The following PLCB4 variants were observed in gnomAD, a reference collection of about 807,000 sequenced individuals.
PLCB4 encodes 1-phosphatidylinositol 4,5-bisphosphate phosphodiesterase beta-4.
Under a neutral mutation model 178.8 loss-of-function variants are expected in PLCB4, and 77 were observed. The ratio of observed to expected loss-of-function variants is 0.43; its 90% CI spans 0.36 to 0.52. PLCB4 has a LOEUF of 0.52. PLCB4 is among the 20% of genes least tolerant of loss of function. The probability of loss-of-function intolerance (pLI) is 0.00; values close to 1 mark genes in which losing one functional copy is unlikely to be tolerated. For synonymous variants in PLCB4, 496 were observed against 490.8 expected, an observed-to-expected ratio of 1.01 and a Z score of -0.14; for missense variants, 1,024 against 1,453.4, an observed-to-expected ratio of 0.70 and a Z score of 4.80.
At chr20:9,170,531 G>GA (rs552779067) in intron 2 of PLCB4, among the ~76,000 whole-genome samples, 4 of 151,950 alleles carry the variant, frequency 2.6e-5, no homozygotes, top group Admixed American at 6.6e-5. Context: ...TGGATATAAA[G>GA]AAAAAAAACT....
intron 28 of PLCB4, among the ~76,000 whole-genome samples, chr20:9,425,714 C>G (rs952333536): frequency 1.8e-4 from 27 of 152,112 alleles, no homozygotes; most frequent in African/African-American, 5.8e-4. Context: ...TTTCTATGTA[C>G]CATTGATGAG....
Position 9,280,786 on chromosome 20 carries a change from A to G in PLCB4, c.-15-27014A>G, listed in dbSNP as rs192598083. 1.5e-4 allele frequency among the ~76,000 whole-genome samples: 23 copies of G among 152,016 alleles called. No homozygotes were observed. In the East Asian group the frequency reaches 4.5e-3, roughly 30 times the overall value. ...ATGCTGAAGTAAATCCAGCTATTAA[A>G]TCCAGCATAAATCCCAGCAGAAAGT... On this transcript the variant is annotated intron_variant, in intron 3 of 39. Coordinates refer to ENST00000378473, the MANE Select transcript of PLCB4 (RefSeq NM_001377142.1).
At chr20:9,409,206 C>A (rs2039680755) in intron 24 of PLCB4, 25 bp downstream of exon 24, 1 of 1,565,914 alleles carries the variant, frequency 6.4e-7, no homozygotes, top group African/African-American at 1.4e-5. Flanking sequence ...CCAGTGACCC[C>A]AAATTCCATG....
At chr20:9,214,820 A>G (rs2093711695) in intron 2 of PLCB4, among the ~76,000 whole-genome samples, 1 of 152,220 alleles carries the variant, frequency 6.6e-6, no homozygotes, top group Non-Finnish European at 1.5e-5. Flanking sequence ...ACTTCTTTGT[A>G]GTTAAGTATT....
chr20:9,402,626 G>T (rs2039115145), intron 20 of PLCB4, among the ~76,000 whole-genome samples: 1 of 152,216 alleles, frequency 6.6e-6, no homozygotes, highest in Non-Finnish European at 1.5e-5. Flanking sequence ...AGGACAGGCT[G>T]CTGCTCTAGG....
At chr20:9,079,705 C>G (rs1391760166) in intron 1 of PLCB4, among the ~76,000 whole-genome samples, 1 of 151,916 alleles carries the variant, frequency 6.6e-6, no homozygotes, top group Non-Finnish European at 1.5e-5. Flanking sequence ...GTTTTGTGGA[C>G]AAAGAAAATA....
At position 9,233,230 on chromosome 20, in the gene PLCB4, T is replaced by A. The variant is rs2093953172; in HGVS notation, c.-16+15778T>A. 3.3e-5 allele frequency among the ~76,000 whole-genome samples: 5 copies of A among 152,250 alleles called. 1 individual carries two copies. The highest frequency in any genetic ancestry group is 2.4e-5 in the African/African-American group (1 of 41,566). On this transcript the variant is annotated intron_variant, in intron 3 of 39. Transcript: ENST00000378473. ...TGATAATGATAATGACCTAAAAAAA[T>A]TTTATGTTTCCGTCCTCATTAGTGT...
chr20:9,194,885 C>T (rs535434113), intron 2 of PLCB4, among the ~76,000 whole-genome samples: 1 of 152,172 alleles, frequency 6.6e-6, no homozygotes, highest in South Asian at 2.1e-4. Context: ...TTACTTCATG[C>T]ATTGTCCTAA....
At chr20:9,470,183 T>C (rs1004254894) in intron 36 of PLCB4, among the ~76,000 whole-genome samples, 1 of 151,888 alleles carries the variant, frequency 6.6e-6, no homozygotes, top group Admixed American at 6.6e-5. Flanking sequence ...ACAAAAAAAT[T>C]AGCTGGGTGT....
At chr20:9,176,196 A>G (rs2093151712) in intron 2 of PLCB4, among the ~76,000 whole-genome samples, 2 of 152,062 alleles carry the variant, frequency 1.3e-5, no homozygotes, top group Non-Finnish European at 2.9e-5. Context: ...TAGCTTTTTT[A>G]CATTGCTGAG....
intron 7 of PLCB4, among the ~76,000 whole-genome samples, chr20:9,361,033 C>T (rs2035280276): frequency 6.6e-6 from 1 of 152,122 alleles, no homozygotes; most frequent in African/African-American, 2.4e-5. Context: ...GAACCCTGAG[C>T]AAAAGGGTTC....
chr20:9,374,013 C>G (rs1170029042), intron 12 of PLCB4, among the ~76,000 whole-genome samples: 2 of 151,914 alleles, frequency 1.3e-5, no homozygotes, highest in Non-Finnish European at 2.9e-5. Flanking sequence ...AGAGAAAATG[C>G]AAGAAAAGAT....
chr20:9,225,372 T>C (rs1242814646), intron 3 of PLCB4, among the ~76,000 whole-genome samples: 1 of 152,156 alleles, frequency 6.6e-6, no homozygotes, highest in Non-Finnish European at 1.5e-5. Context: ...TCAGGTGAAC[T>C]TTTTAAAAGG....
At chr20:9,466,481 T>A (rs2043793300) in intron 35 of PLCB4, among the ~76,000 whole-genome samples, 1 of 152,110 alleles carries the variant, frequency 6.6e-6, no homozygotes, top group Non-Finnish European at 1.5e-5. Flanking sequence ...GAAACTACCA[T>A]TAGAGTGAAC....
chr20:9,118,304 T>TAA lies in PLCB4; in HGVS notation c.-79+21971_-79+21972dup, dbSNP rs33945450. Among the ~76,000 whole-genome samples, 41 of 135,098 alleles carry TAA rather than the reference T, an allele frequency of 3.0e-4. 1 individual carries two copies. The highest frequency in any genetic ancestry group is 1.3e-3 in the East Asian group (6 of 4,594). 88.6% of individuals were successfully genotyped at this position (135,098 alleles called of 152,430 possible). A position where few individuals can be genotyped will look rare whatever the true frequency, so the allele number is the denominator to read the frequency against. On this transcript the variant is annotated intron_variant, in intron 2 of 39. Coordinates refer to ENST00000378473, the MANE Select transcript of PLCB4 (RefSeq NM_001377142.1). ...TACCCTAAAACTTAAAGTATAATAA[T>TAA]AAAAAAAAAACAACAAAGTGCTTAT...
At chr20:9,154,905 C>CTCCTTCCTTCCTTCCTTCCTTCCTTCCT (rs771256316) in intron 2 of PLCB4, among the ~76,000 whole-genome samples, 4 of 62,338 alleles carry the variant, frequency 6.4e-5, no homozygotes, top group Non-Finnish European at 1.3e-4. Flanking sequence ...CCCTCCTTCC[C>CTCCTTCCTTCCTTCCTTCCTTCCTTCCT]TCCTTCCTTC....
chr20:9,367,091 G>A (rs1339927426), intron 9 of PLCB4, among the ~76,000 whole-genome samples: 1 of 152,100 alleles, frequency 6.6e-6, no homozygotes, highest in Non-Finnish European at 1.5e-5. Flanking sequence ...CTGCATCCCT[G>A]TGAGACTATC....
chr20:9,449,519 C>G (rs935910446), intron 32 of PLCB4, among the ~76,000 whole-genome samples: 1 of 152,078 alleles, frequency 6.6e-6, no homozygotes, highest in African/African-American at 2.4e-5. Flanking sequence ...AAAGGAGAGT[C>G]AAAAAATCAG....
intron 3 of PLCB4, among the ~76,000 whole-genome samples, chr20:9,248,637 G>A (rs574064696): frequency 2.0e-5 from 3 of 152,260 alleles, no homozygotes. Flanking sequence ...GTTTCATTGA[G>A]TGGAAAATTT....
Sources: gnomAD v4.1 joint callset for allele counts (sites outside exome capture counted in the v4.1 genomes callset) on GRCh38, gnomAD v4.1.1 for gene constraint, MANE v1.5 for transcripts, NCBI Gene and HGNC (gene_info 2026-07-23, HGNC 2026-07-21) for gene names.